The following CENPP variants were observed in gnomAD, a reference collection of about 807,000 sequenced individuals.
CENPP encodes centromere protein P.
In CENPP, 24 loss-of-function variants were observed where a neutral mutation model predicts 35.6. That is an observed-to-expected ratio of 0.67 (90% confidence interval 0.49 to 0.95). The LOEUF (loss-of-function observed/expected upper bound fraction) is 0.95, where lower values mean the gene tolerates loss of function less well. Ranked by LOEUF, CENPP falls within the 40% of genes least tolerant of loss-of-function variation. The pLI is 0.00. For synonymous variants in CENPP, 120 were observed against 125.5 expected (o/e 0.96, Z 0.29); for missense variants, 332 against 345.3 (o/e 0.96, Z 0.31).
rs1395707105 is a variant in CENPP, at chr9:92,517,623, C to T, written c.565-93691C>T. ...CATAATTTTAATCTAAAATTAGTAA[C>T]AAAAACAAATGGAAGTTAAAGATTA... On this transcript the variant is annotated intron_variant, in intron 5 of 7. Coordinates refer to ENST00000375587, the MANE Select transcript of CENPP (RefSeq NM_001012267.3). 4.4e-6 allele frequency: 7 copies of T among 1,598,922 alleles called. No homozygotes were observed. In the Admixed American group the frequency reaches 8.4e-5, roughly 19 times the overall value.
chr9:92,585,728 T>C (rs926464908), intron 5 of CENPP, among the ~76,000 whole-genome samples: 1 of 152,164 alleles, frequency 6.6e-6, no homozygotes, highest in Non-Finnish European at 1.5e-5. Flanking sequence ...TTCAGAACAC[T>C]TGCAACGACT....
intron 5 of CENPP, among the ~76,000 whole-genome samples, chr9:92,437,256 G>A (rs1844267750): frequency 6.6e-6 from 1 of 152,092 alleles, no homozygotes; most frequent in Non-Finnish European, 1.5e-5. Flanking sequence ...CATTAAAACT[G>A]TATATCAATT....
Position 92,379,769 on chromosome 9 carries a change from A to G in CENPP, c.474A>G (p.Glu158=). 1 of 1,605,744 alleles carries G rather than the reference A, an allele frequency of 6.2e-7. No individual in the cohort carries two copies. Among genetic ancestry groups the G allele is most frequent in the African/African-American group, 1.3e-5 (1 of 74,908 alleles). The change falls in exon 5 of 8, where the codon GAA becomes GAG. Residue 158 remains glutamate, a synonymous_variant. Transcript: ENST00000375587. ...GAATCATTTATTCCTACAGAGCAGAAGAGAGAAAAGATCTGTTCATGTTTT... is the reference window on the plus strand; with the variant it reads ...GAATCATTTATTCCTACAGAGCAGAGGAGAGAAAAGATCTGTTCATGTTTT... The part of the protein sequence containing the change: ...SELSEFVSRA[E]ERKDLFMFFR...
At chr9:92,344,704 C>T (rs1288484038) in intron 3 of CENPP, among the ~76,000 whole-genome samples, 1 of 151,672 alleles carries the variant, frequency 6.6e-6, no homozygotes, top group Non-Finnish European at 1.5e-5. Context: ...CCTGCCACGA[C>T]GCCTAGCTAA....
intron 5 of CENPP, among the ~76,000 whole-genome samples, chr9:92,443,672 T>G (rs1844479098): frequency 6.6e-6 from 1 of 150,924 alleles, no homozygotes; most frequent in Non-Finnish European, 1.5e-5. Context: ...TTTTTTTTTG[T>G]TTTTTGAGAC....
In CENPP at chr9:92,618,368, G is replaced by C. The variant is rs1002218790; in HGVS notation, c.*5219G>C. The C allele has an allele frequency of 1.5e-5, 7 of 456,360 alleles. No homozygotes were observed. Among genetic ancestry groups the C allele is most frequent in the Non-Finnish European group, 2.6e-5 (6 of 226,932 alleles). The allele number at this position is 456,360 out of a possible 1,614,324, so 28.3% of individuals were successfully genotyped here. A position where few individuals can be genotyped will look rare whatever the true frequency, so the allele number is the denominator to read the frequency against. The stretch of plus-strand genomic sequence containing the variant: ...AGGACCCGGGCCTTCAGCTTTCCCC[G>C]CATGCTGGCTTTCCAATTTGACATC... On this transcript the variant is annotated 3_prime_UTR_variant, in exon 8 of 8. Coordinates refer to ENST00000375587, the MANE Select transcript of CENPP (RefSeq NM_001012267.3).
At chr9:92,417,370 GAC>G in intron 5 of CENPP, 1 of 1,614,066 alleles carries the variant, frequency 6.2e-7, no homozygotes, top group East Asian at 2.2e-5. Flanking sequence ...AGCATTCACT[GAC>G]ACAGCCTAAA....
intron 5 of CENPP, among the ~76,000 whole-genome samples, chr9:92,452,596 G>A (rs1844745404): frequency 3.9e-5 from 6 of 152,154 alleles, no homozygotes; most frequent in Admixed American, 3.9e-4. Context: ...TTTGGTATCA[G>A]GATGATGCTG....
chr9:92,467,584 A>G (rs1053617723), intron 5 of CENPP, among the ~76,000 whole-genome samples: 15 of 152,160 alleles, frequency 9.9e-5, no homozygotes, highest in African/African-American at 3.1e-4. Flanking sequence ...AGATTCATTC[A>G]TTTTATGATT....
At chr9:92,370,716 A>G (rs1258957662) in intron 4 of CENPP, among the ~76,000 whole-genome samples, 1 of 152,174 alleles carries the variant, frequency 6.6e-6, no homozygotes, top group Non-Finnish European at 1.5e-5. Flanking sequence ...TCCTGTCCTC[A>G]GGTGATCCAC....
chr9:92,572,420 ACT>A (rs1214081685), intron 5 of CENPP, among the ~76,000 whole-genome samples: 1 of 151,850 alleles, frequency 6.6e-6, no homozygotes, highest in Non-Finnish European at 1.5e-5. Context: ...ATCGGCCCCC[ACT>A]CTCTTCTTGC....
chr9:92,454,596 T>C (rs1346486514), intron 5 of CENPP, among the ~76,000 whole-genome samples: 2 of 152,224 alleles, frequency 1.3e-5, no homozygotes, highest in African/African-American at 4.8e-5. Flanking sequence ...TGAGTGATTA[T>C]TATAGTATTG....
chr9:92,380,217 C>T (rs987391447), intron 5 of CENPP, among the ~76,000 whole-genome samples: 4 of 152,162 alleles, frequency 2.6e-5, no homozygotes, highest in Non-Finnish European at 5.9e-5. Context: ...CTTCCTGAGC[C>T]AGACTCTGTG....
chr9:92,332,094 C>G, intron 1 of CENPP, 76 bp from the exon 2 acceptor site: 1 of 912,094 alleles, frequency 1.1e-6, no homozygotes, highest in African/African-American at 1.7e-5. Context: ...AATGGGAATG[C>G]TTTGAGGAAA....
At position 92,558,685 on chromosome 9, in the gene CENPP, C is replaced by T. The variant is rs527907862; in HGVS notation, c.565-52629C>T. Reference sequence around the variant, plus strand: ...AGAGTGGAAAGGGACCAGCAGTAGGCGGGGTCCTAGAATTCCCAAGACTAT... The same window carrying T: ...AGAGTGGAAAGGGACCAGCAGTAGGTGGGGTCCTAGAATTCCCAAGACTAT... On this transcript the variant is annotated intron_variant, in intron 5 of 7. Transcript: ENST00000375587. Among the ~76,000 whole-genome samples, 27 of 152,146 alleles carry T rather than the reference C, an allele frequency of 1.8e-4. No homozygotes were observed. In the South Asian group the frequency reaches 5.0e-3, roughly 28 times the overall value.
At position 92,611,403 on chromosome 9, in the gene CENPP, C is replaced by A. The variant is rs765188500; in HGVS notation, c.644+10C>A. The A allele has an allele frequency of 6.2e-7, 1 of 1,609,456 alleles. No homozygotes were observed. Among genetic ancestry groups the A allele is most frequent in the Admixed American group, 1.7e-5 (1 of 59,790 alleles). On this transcript the variant is annotated intron_variant, in intron 6 of 7. Transcript: ENST00000375587. ...GCGCCAGCCGGCCAGGGTGAGCCTG[C>A]ACAGGCCATGGGGCCTCCCATTTCC...
At chr9:92,327,221 T>A (rs1398843288) in intron 1 of CENPP, among the ~76,000 whole-genome samples, 1 of 152,226 alleles carries the variant, frequency 6.6e-6, no homozygotes, top group African/African-American at 2.4e-5. Context: ...ATAGTTTCTT[T>A]ACTGGCCACA....
intron 5 of CENPP, chr9:92,474,534 T>G: frequency 1.3e-6 from 2 of 1,499,242 alleles, no homozygotes; most frequent in Non-Finnish European, 1.8e-6. Flanking sequence ...ACTCAGATTA[T>G]TTTTGAAATT....
At chr9:92,388,100 C>G (rs553296799) in intron 5 of CENPP, among the ~76,000 whole-genome samples, 25 of 152,192 alleles carry the variant, frequency 1.6e-4, no homozygotes, top group Non-Finnish European at 1.5e-5. Flanking sequence ...TCATAAATCC[C>G]TTCTGTAATT....
Sources: gnomAD v4.1 joint callset for allele counts (sites outside exome capture counted in the v4.1 genomes callset) on GRCh38, gnomAD v4.1.1 for gene constraint, MANE v1.5 for transcripts, NCBI Gene and HGNC (gene_info 2026-07-23, HGNC 2026-07-21) for gene names.